Variants in FAM120A observed in about 807,000 individuals in gnomAD.
FAM120A encodes family with sequence similarity 120 member A, also known as constitutive coactivator of PPAR-gamma-like protein 1.
FAM120A carries 15 observed loss-of-function variants against 109.7 expected under a neutral mutation model. The ratio of observed to expected loss-of-function variants is 0.14; its 90% CI spans 0.09 to 0.21. FAM120A has a LOEUF of 0.21. Among genes scored for constraint, FAM120A ranks in the 10% least tolerant of loss-of-function variants. The pLI, the probability that FAM120A is intolerant of heterozygous loss-of-function variation, is 1.00. For synonymous variants in FAM120A, 493 were observed against 572.8 expected (o/e 0.86, Z 1.99); for missense variants, 899 against 1,439.3 (o/e 0.62, Z 6.07).
At chr9:93,538,985 A>G (rs1054595142) in intron 10 of FAM120A, among the ~76,000 whole-genome samples, 2 of 150,196 alleles carry the variant, frequency 1.3e-5, no homozygotes, top group Non-Finnish European at 3.0e-5. Context: ...CTCCAGTAAC[A>G]TGTCAGCCCT....
chr9:93,533,271 G>A (rs1861397001), intron 10 of FAM120A, among the ~76,000 whole-genome samples: 6 of 152,142 alleles, frequency 3.9e-5, no homozygotes. Flanking sequence ...GCTGAGCTTT[G>A]GAACTTTAAC....
At chr9:93,456,880 C>CT (rs751621009) in intron 1 of FAM120A, among the ~76,000 whole-genome samples, 20 of 152,332 alleles carry the variant, frequency 1.3e-4, no homozygotes, top group Admixed American at 5.9e-4. Flanking sequence ...ATCCTGGACA[C>CT]TGACAGTACA....
chr9:93,514,018 TGCCTG>T (rs1860457626), intron 5 of FAM120A, among the ~76,000 whole-genome samples: 1 of 152,234 alleles, frequency 6.6e-6, no homozygotes. Context: ...TATAAAGAAC[TGCCTG>T]AGACTGGATA....
At chr9:93,475,753 A>C (rs377381316) in intron 2 of FAM120A, among the ~76,000 whole-genome samples, 38 of 152,186 alleles carry the variant, frequency 2.5e-4, no homozygotes, top group African/African-American at 8.9e-4. Context: ...AAATTATGGG[A>C]GAAGGGTGTT....
At chr9:93,507,375 A>G (rs984230287) in intron 5 of FAM120A, among the ~76,000 whole-genome samples, 2 of 152,138 alleles carry the variant, frequency 1.3e-5, no homozygotes, top group African/African-American at 4.8e-5. Flanking sequence ...CATTAATGAG[A>G]TAAAGATGGT....
At position 93,451,765 on chromosome 9, in the gene FAM120A, G is replaced by T. The variant is rs2131157841; in HGVS notation, c.-151G>T. 1.0e-6 allele frequency: 1 copy of T among 981,998 alleles called. No homozygotes were observed. The highest frequency in any genetic ancestry group is 4.5e-5 in the South Asian group (1 of 22,082). The allele number at this position is 981,998 out of a possible 1,614,324, so 60.8% of individuals were successfully genotyped here. A position where few individuals can be genotyped will look rare whatever the true frequency, so the allele number is the denominator to read the frequency against. ...CCCTGGGAGGCGGCAGCACATGGCG[G>T]CCGCGGCGGCCATGAGCGCGCCCCC... On this transcript the variant is annotated 5_prime_UTR_variant, in exon 1 of 18. Transcript: ENST00000277165.
In FAM120A at chr9:93,461,425, C is replaced by A. The variant is rs576607444; in HGVS notation, c.474+9036C>A. On this transcript the variant is annotated intron_variant, in intron 1 of 17. Coordinates refer to ENST00000277165, the MANE Select transcript of FAM120A (RefSeq NM_014612.5). ...ACCTATGAAGAGTTTGCAAGTGTTA[C>A]TATCTTGAAATAAATAGTATCAACC... Among the ~76,000 whole-genome samples the A allele has an allele frequency of 2.6e-5, 4 of 152,238 alleles. No homozygotes were observed. The South Asian group carries it at 8.3e-4, about 32-fold the overall frequency.
intron 1 of FAM120A, chr9:93,453,497 T>G (rs1368813595): frequency 1.0e-6 from 1 of 985,480 alleles, no homozygotes; most frequent in African/African-American, 1.7e-5. Context: ...GACATTTCCT[T>G]GAAACTGCTG....
At chr9:93,545,976 G>T (rs906745229) in intron 11 of FAM120A, among the ~76,000 whole-genome samples, 1 of 151,564 alleles carries the variant, frequency 6.6e-6, no homozygotes, top group East Asian at 1.9e-4. Context: ...CGTAGAGATG[G>T]AGTTTTACCA....
rs183035476 is a variant in FAM120A at position 93,528,869 on chromosome 9, A to G, written c.1507-484A>G. Among the ~76,000 whole-genome samples, 524 of 147,754 alleles carry G rather than the reference A, an allele frequency of 3.5e-3. 1 individual carries two copies. Among genetic ancestry groups the G allele is most frequent in the Middle Eastern group, 0.034 (10 of 290 alleles). On this transcript the variant is annotated intron_variant, in intron 8 of 17. Coordinates refer to ENST00000277165, the MANE Select transcript of FAM120A (RefSeq NM_014612.5). ...GGAGTCAGCCCTGGATTAGAATTCC[A>G]TTTCTATGTGTTAGGGTTGTGTAAC...
chr9:93,542,295 C>T (rs1234374194), intron 10 of FAM120A, among the ~76,000 whole-genome samples: 3 of 152,188 alleles, frequency 2.0e-5, no homozygotes, highest in Non-Finnish European at 4.4e-5. Context: ...AAGTGAACCA[C>T]TTGTTACTTA....
rs758780521 is a variant in FAM120A at position 93,557,991 on chromosome 9, C to T, written c.2649C>T (p.Gly883=). 24 of 1,598,648 alleles carry T rather than the reference C, an allele frequency of 1.5e-5. No homozygotes were observed. The highest frequency in any genetic ancestry group is 7.7e-5 in the South Asian group (7 of 90,490). Residue 883 remains glycine (G), a synonymous_variant, in exon 14 of 18, where the codon GGC becomes GGT. Transcript: ENST00000277165. ...RHFGPVPPSQ[G]RGRGFAGVCG... is the part of the protein sequence containing the mutation. Reference sequence around the variant, plus strand: ...TTGGGCCTGTCCCACCCTCTCAGGGCAGGGGCAGAGGCTTTGCAGGTGAGT... The same window carrying T: ...TTGGGCCTGTCCCACCCTCTCAGGGTAGGGGCAGAGGCTTTGCAGGTGAGT...
chr9:93,515,233 T>C (rs2131405144), intron 5 of FAM120A, among the ~76,000 whole-genome samples: 1 of 152,420 alleles, frequency 6.6e-6, no homozygotes, highest in South Asian at 2.1e-4. Flanking sequence ...TTGACAAAGG[T>C]AAAGGAAACT....
chr9:93,561,190 G>A lies in FAM120A; in HGVS notation c.2888G>A (p.Gly963Asp). The A allele has an allele frequency of 6.2e-7, 1 of 1,613,806 alleles. No homozygotes were observed. The highest frequency in any genetic ancestry group is 8.5e-7 in the Non-Finnish European group (1 of 1,179,976). The change falls in exon 16 of 18, where the codon GGC (glycine) becomes GAC (aspartate). Residue 963 changes from glycine to aspartate, a missense_variant. By Grantham distance (94) the Gly-to-Asp change is moderately conservative. Coordinates refer to ENST00000277165, the MANE Select transcript of FAM120A (RefSeq NM_014612.5). Reference protein sequence around the residue: ...VVGHWAGSRRGRGGRGPFPLQ... With the variant: ...VVGHWAGSRRDRGGRGPFPLQ... ...GGCCATTGGGCTGGGAGCAGGCGGG[G>A]CCGTGGGGGCCGGGGGCCTTTCCCC...
chr9:93,482,379 CG>C (rs909188789), intron 3 of FAM120A, among the ~76,000 whole-genome samples: 1 of 151,918 alleles, frequency 6.6e-6, no homozygotes, highest in Non-Finnish European at 1.5e-5. Flanking sequence ...TTAGTAGAGA[CG>C]GGATTTCACC....
At chr9:93,486,035 C>T (rs989832977) in intron 3 of FAM120A, among the ~76,000 whole-genome samples, 2 of 152,268 alleles carry the variant, frequency 1.3e-5, no homozygotes, top group South Asian at 4.1e-4. Flanking sequence ...GTCAGTGGCA[C>T]GATCATAGCT....
intron 7 of FAM120A, among the ~76,000 whole-genome samples, chr9:93,523,005 C>T (rs1486843274): frequency 6.6e-6 from 1 of 152,198 alleles, no homozygotes; most frequent in Admixed American, 6.5e-5. Context: ...CTGAAGCTCG[C>T]AGAACCTCAG....
chr9:93,538,055 C>G (rs1007119608), intron 10 of FAM120A, among the ~76,000 whole-genome samples: 2 of 150,524 alleles, frequency 1.3e-5, no homozygotes, highest in Non-Finnish European at 3.0e-5. Flanking sequence ...TTTTTTTAAC[C>G]AGTGTTACTT....
chr9:93,491,244 AAAAAC>A (rs2131327978), intron 3 of FAM120A, among the ~76,000 whole-genome samples: 1 of 152,252 alleles, frequency 6.6e-6, no homozygotes, highest in South Asian at 2.1e-4. Context: ...GTTTTTTTTA[AAAAAC>A]AAAACAAAGG....
Sources: gnomAD v4.1 joint callset for allele counts (sites outside exome capture counted in the v4.1 genomes callset) on GRCh38, gnomAD v4.1.1 for gene constraint, MANE v1.5 for transcripts, NCBI Gene and HGNC (gene_info 2026-07-23, HGNC 2026-07-21) for gene names.